The following CACNA1D variants were observed in gnomAD, a reference collection of about 807,000 sequenced individuals.
The protein encoded by CACNA1D is voltage-dependent L-type calcium channel subunit alpha-1D.
Under a neutral mutation model 257.1 loss-of-function variants are expected in CACNA1D, and 55 were observed. The observed-to-expected ratio is 0.21, with a 90% CI of 0.17 to 0.27. The LOEUF (loss-of-function observed/expected upper bound fraction) is 0.27, where lower values mean the gene tolerates loss of function less well. Among genes scored for constraint, CACNA1D ranks in the 10% least tolerant of loss-of-function variants. CACNA1D has a pLI of 1.00. For missense variants in CACNA1D, 1,876 were observed against 2,784.0 expected (o/e 0.67, Z 7.34); for synonymous variants, 980 against 1,014.9 (o/e 0.97, Z 0.65).
intron 3 of CACNA1D, among the ~76,000 whole-genome samples, chr3:53,592,957 G>A (rs926119881): frequency 3.3e-5 from 5 of 152,186 alleles, no homozygotes; most frequent in Non-Finnish European, 5.9e-5. Flanking sequence ...TCAAAGTGCT[G>A]GGATTACAGG....
intron 27 of CACNA1D, among the ~76,000 whole-genome samples, chr3:53,749,677 T>A (rs758901699): frequency 5.6e-4 from 85 of 152,332 alleles, no homozygotes; most frequent in Middle Eastern, 3.4e-3. Context: ...TTTGTAATTA[T>A]GAAATCCATC....
chr3:53,735,228 T>C (rs1177405761), intron 19 of CACNA1D, 146 bp from the exon 20 acceptor site: 2 of 819,934 alleles, frequency 2.4e-6, no homozygotes, highest in Non-Finnish European at 4.2e-6. Context: ...GACAGGTTGC[T>C]CAGGTGTGCC....
At chr3:53,654,004 A>G (rs1428273445) in intron 4 of CACNA1D, among the ~76,000 whole-genome samples, 1 of 152,236 alleles carries the variant, frequency 6.6e-6, no homozygotes, top group African/African-American at 2.4e-5. Flanking sequence ...ATAGAGAGAC[A>G]TCTTTAAAGT....
At chr3:53,736,447 A>G (rs2095058388) in intron 20 of CACNA1D, among the ~76,000 whole-genome samples, 2 of 152,216 alleles carry the variant, frequency 1.3e-5, no homozygotes, top group African/African-American at 4.8e-5. Flanking sequence ...ATCTCCAAAG[A>G]AAGTGCTGAC....
chr3:53,682,787 T>C (rs2094444629), intron 8 of CACNA1D, among the ~76,000 whole-genome samples: 1 of 152,158 alleles, frequency 6.6e-6, no homozygotes, highest in African/African-American at 2.4e-5. Flanking sequence ...AAGGCTCATA[T>C]AATCTGCTTC....
At chr3:53,514,035 TATACCTGTTGTTA>T (rs2107270736) in intron 3 of CACNA1D, among the ~76,000 whole-genome samples, 1 of 152,302 alleles carries the variant, frequency 6.6e-6, no homozygotes, top group South Asian at 2.1e-4. Context: ...CCCTGTTGTT[TATACCTGTTGTTA>T]AGCTATGCAT....
At chr3:53,656,539 C>T (rs1044159195) in intron 4 of CACNA1D, among the ~76,000 whole-genome samples, 1 of 151,972 alleles carries the variant, frequency 6.6e-6, no homozygotes, top group Non-Finnish European at 1.5e-5. Context: ...TGTCTCGGGA[C>T]ACAAAAAGCT....
intron 29 of CACNA1D, among the ~76,000 whole-genome samples, chr3:53,761,343 C>G (rs1183844909): frequency 6.6e-6 from 1 of 152,174 alleles, no homozygotes. Flanking sequence ...TAAGCACCAC[C>G]CCCATGACAA....
In CACNA1D at chr3:53,610,978, A is replaced by C. The variant is rs542354701; in HGVS notation, c.484-39801A>C. ...TTGTTTGTTGAATAAACTTCATTTT[A>C]CTCTCATTTGGGAAGATATTTTCAC... On this transcript the variant is annotated intron_variant, in intron 3 of 47. Transcript: ENST00000350061. Among the ~76,000 whole-genome samples, 3 of 152,090 alleles carry C rather than the reference A, an allele frequency of 2.0e-5. No homozygotes were observed. The South Asian group carries it at 6.2e-4, about 32-fold the overall frequency.
Position 53,497,163 on chromosome 3 carries a change from G to A in CACNA1D, c.79G>A (p.Ala27Thr), listed in dbSNP as rs1163489244. 1.2e-6 allele frequency: 2 copies of A among 1,613,824 alleles called. No homozygotes were observed. Among genetic ancestry groups the A allele is most frequent in the East Asian group, 2.2e-5 (1 of 44,872 alleles). The change falls in exon 2 of 48, where the codon GCA becomes ACA. Residue 27 changes from alanine (A) to threonine (T), a missense_variant. Physicochemically the swap from Ala to Thr is moderately conservative, Grantham distance 58. Transcript: ENST00000350061. ...QADHANEANY[A>T]RGTRLPLSGE... is the part of the protein sequence containing the mutation. ...CTCCTTCTCCCCAGAGGCAAACTAT[G>A]CAAGAGGCACCAGACTTCCTCTTTC...
chr3:53,586,172 GAGAGA>G (rs1249284254), intron 3 of CACNA1D, among the ~76,000 whole-genome samples: 1 of 152,156 alleles, frequency 6.6e-6, no homozygotes, highest in Non-Finnish European at 1.5e-5. Flanking sequence ...GTTGAGATAT[GAGAGA>G]AGGGGCTGGG....
At chr3:53,556,683 C>A (rs1449763765) in intron 3 of CACNA1D, among the ~76,000 whole-genome samples, 1 of 150,818 alleles carries the variant, frequency 6.6e-6, no homozygotes, top group Non-Finnish European at 1.5e-5. Flanking sequence ...CAGTCTATAG[C>A]TTGTCTTTCT....
chr3:53,594,134 C>T lies in CACNA1D; in HGVS notation c.484-56645C>T, dbSNP rs150964025. On this transcript the variant is annotated intron_variant, in intron 3 of 47. Transcript: ENST00000350061. Reference sequence around the variant, plus strand: ...GTGTAAAGGCTAATGGAATGGGAGACGCCCTTGAACAGAAAGGCTTTCACC... The same window carrying T: ...GTGTAAAGGCTAATGGAATGGGAGATGCCCTTGAACAGAAAGGCTTTCACC... Among the ~76,000 whole-genome samples the T allele has an allele frequency of 1.8e-3, 280 of 152,282 alleles. 2 individuals are homozygous for T. Among genetic ancestry groups the T allele is most frequent in the African/African-American group, 3.7e-3 (155 of 41,554 alleles).
rs765353117 is a variant in CACNA1D at position 53,702,804 on chromosome 3, C to G, written c.1384C>G (p.Arg462Gly). 8 of 1,614,136 alleles carry G rather than the reference C, an allele frequency of 5.0e-6. No homozygotes were observed. Among genetic ancestry groups the G allele is most frequent in the Non-Finnish European group, 6.8e-6 (8 of 1,180,028 alleles). The change falls in exon 9 of 48, where the codon CGA becomes GGA. Residue 462 changes from arginine (R) to glycine (G), a missense_variant. Around this residue, in one of 10 missense-constraint regions of CACNA1D, gnomAD observed 257 missense variants for 399.7 expected, o/e 0.64. Transcript: ENST00000350061. Reference protein sequence around the residue: ...NEEEGGEEGKRNTSMPTSETE... With the variant: ...NEEEGGEEGKGNTSMPTSETE... ...GGAAGAAGGAGGAGAGGAAGGCAAA[C>G]GAAATAGTATGTAGCGCCTTTCCTG...
Position 53,742,685 on chromosome 3 carries a change from T to TA in CACNA1D, c.2812-325dup, listed in dbSNP as rs200361125. ...GGAAGTGGGCTCTCCGGACAGCACT[T>TA]ACCTTTTGACGAATGTAGTCCTGTG... On this transcript the variant is annotated intron_variant, in intron 21 of 47. Coordinates refer to ENST00000350061, the MANE Select transcript of CACNA1D (RefSeq NM_001128840.3). 7.4e-3 allele frequency among the ~76,000 whole-genome samples: 1,129 copies of TA among 152,342 alleles called. 20 individuals are homozygous for TA. The highest frequency in any genetic ancestry group is 0.026 in the African/African-American group (1,082 of 41,568).
Position 53,808,741 on chromosome 3 carries a change from G to A in CACNA1D, c.5842G>A (p.Ala1948Thr). ...PSSPIFPHRT[A>T]LPLHLMQQQI... is the part of the protein sequence containing the mutation. Reference sequence around the variant, plus strand: ...GTCTCCCATCTTCCCCCATCGCACGGCCCTGCCTCTGCATCTAATGCAGCA... The same window carrying A: ...GTCTCCCATCTTCCCCCATCGCACGACCCTGCCTCTGCATCTAATGCAGCA... The change falls in exon 46 of 48, where the codon GCC becomes ACC. Residue 1948 changes from alanine (A) to threonine (T), a missense_variant. By Grantham distance (58) the Ala-to-Thr change is moderately conservative. Around this residue, in one of 10 missense-constraint regions of CACNA1D, gnomAD observed 491 missense variants for 554.3 expected, o/e 0.89. Coordinates refer to ENST00000350061, the MANE Select transcript of CACNA1D (RefSeq NM_001128840.3). The A allele has an allele frequency of 6.2e-7, 1 of 1,608,160 alleles. No individual in the cohort carries two copies. Among genetic ancestry groups the A allele is most frequent in the Non-Finnish European group, 8.5e-7 (1 of 1,179,988 alleles).
At chr3:53,808,601 C>T (rs755695625) in intron 45 of CACNA1D, 48 bp from the exon 46 acceptor site, 25 of 1,601,158 alleles carry the variant, frequency 1.6e-5, no homozygotes, top group African/African-American at 2.7e-5. Context: ...GACGGTGTCC[C>T]GGCAGAGAAC....
chr3:53,524,673 A>G (rs2107381727), intron 3 of CACNA1D, among the ~76,000 whole-genome samples: 1 of 152,268 alleles, frequency 6.6e-6, no homozygotes, highest in African/African-American at 2.4e-5. Context: ...TTTCTTGTTC[A>G]GCTTTTACCA....
At chr3:53,691,163 G>GA (rs1491197383) in intron 8 of CACNA1D, among the ~76,000 whole-genome samples, 1 of 134,502 alleles carries the variant, frequency 7.4e-6, no homozygotes, top group Non-Finnish European at 1.6e-5. Context: ...TTTTTTTTTT[G>GA]GGGGGGAGAT....
Sources: gnomAD v4.1 joint callset for allele counts (sites outside exome capture counted in the v4.1 genomes callset) on GRCh38, gnomAD v4.1.1 for gene constraint, gnomAD v4.1.1 regional missense constraint, MANE v1.5 for transcripts, NCBI Gene and HGNC (gene_info 2026-07-23, HGNC 2026-07-21) for gene names.